TEX11: variants seen among roughly 807,000 people sequenced by gnomAD.
TEX11 encodes the protein testis-expressed protein 11.
A neutral mutation model predicts 84.4 loss-of-function variants in TEX11; 7 were observed. The ratio of observed to expected loss-of-function variants is 0.08; its 90% confidence interval spans 0.05 to 0.16. TEX11 has a LOEUF of 0.16. TEX11 is among the 10% of genes least tolerant of loss of function. The pLI, the probability that TEX11 is intolerant of heterozygous loss-of-function variation, is 1.00. For missense variants in TEX11, 551 were observed against 660.5 expected (o/e 0.83, Z 1.82); for synonymous variants, 264 against 222.8 (o/e 1.18, Z -1.64).
intron 3 of TEX11, among the ~76,000 whole-genome samples, chrX:70,874,549 C>G (rs1161479006): frequency 9.4e-6 from 1 of 106,826 alleles, no homozygotes; most frequent in African/African-American, 3.4e-5. Context: ...TTACAGGCAC[C>G]CACCATAATG....
intron 4 of TEX11, among the ~76,000 whole-genome samples, chrX:70,865,628 G>A (rs1246889976): frequency 1.8e-5 from 2 of 111,242 alleles, no homozygotes; most frequent in Non-Finnish European, 3.8e-5. Context: ...TTCTAAAATC[G>A]ACCACATAAT....
intron 2 of TEX11, among the ~76,000 whole-genome samples, chrX:70,905,280 G>A (rs774915930): frequency 2.1e-4 from 23 of 111,081 alleles, no homozygotes; most frequent in Admixed American, 1.6e-3. Flanking sequence ...AGCCGAGATC[G>A]TGCCACTACA....
chrX:70,679,364 G>T lies in TEX11; in HGVS notation c.1157-475C>A, dbSNP rs759321438. Among the ~76,000 whole-genome samples the T allele has an allele frequency of 9.2e-5, 10 of 108,576 alleles. No individual in the cohort carries two copies. In the East Asian group the frequency reaches 3.0e-3, roughly 32 times the overall value. The allele number at this position is 108,576 out of a possible 115,157, so 94.3% of individuals were successfully genotyped here. A position where few individuals can be genotyped will look rare whatever the true frequency, so the allele number is the denominator to read the frequency against. On this transcript the variant is annotated intron_variant, in intron 14 of 29. Transcript: ENST00000374333. Reference sequence around the variant, plus strand: ...GCAGCCTCTGCCCGGCCACCACCCCGTCTGGGAAGTGAGGAGCGTCTCTGC... The same window carrying T: ...GCAGCCTCTGCCCGGCCACCACCCCTTCTGGGAAGTGAGGAGCGTCTCTGC...
chrX:70,791,896 C>T (rs1055551766), intron 9 of TEX11, among the ~76,000 whole-genome samples: 1 of 110,662 alleles, frequency 9.0e-6, no homozygotes, highest in African/African-American at 3.3e-5. Context: ...GAGGCCGAGG[C>T]GGGTGGATCA....
intron 20 of TEX11, among the ~76,000 whole-genome samples, 167 bp from the exon 21 acceptor site, chrX:70,610,710 T>C (rs1184729059): frequency 8.9e-6 from 1 of 111,873 alleles, no homozygotes; most frequent in Non-Finnish European, 1.9e-5. Context: ...TCTTCCCCAC[T>C]GTAGGATACA....
intron 7 of TEX11, among the ~76,000 whole-genome samples, chrX:70,837,327 G>T (rs1317270553): frequency 9.0e-6 from 1 of 111,408 alleles, no homozygotes; most frequent in Non-Finnish European, 1.9e-5. Flanking sequence ...GATAGGCAGA[G>T]GTGGGTGGAT....
At chrX:70,571,752 C>G (rs1438556731) in intron 25 of TEX11, among the ~76,000 whole-genome samples, 1 of 110,818 alleles carries the variant, frequency 9.0e-6, no homozygotes, top group Admixed American at 9.7e-5. Context: ...GCTTTTTGGC[C>G]CAGCATATGA....
At position 70,624,890 on chromosome X, in the gene TEX11, T is replaced by C; in HGVS notation, c.1643A>G (p.Glu548Gly). Residue 548 changes from glutamate (E) to glycine (G), a missense_variant, in exon 19 of 30, where the codon GAA becomes GGA. Glu to Gly is a moderately conservative substitution (Grantham distance 98). Coordinates refer to ENST00000374333, the MANE Select transcript of TEX11 (RefSeq NM_031276.3). ...GTCTTCTGAATGTTGAGCTAAATAT[T>C]CCAAAGCTTTTTCTGCCACAATTTG... The part of the protein sequence containing the change: ...GQQIVAEKAL[E>G]YLAQHSEDQE... 1 of 1,209,332 alleles carries C rather than the reference T, an allele frequency of 8.3e-7. No homozygotes were observed. The highest frequency in any genetic ancestry group is 1.1e-6 in the Non-Finnish European group (1 of 894,194).
chrX:70,840,085 T>G (rs532515981), intron 7 of TEX11, among the ~76,000 whole-genome samples: 1 of 111,668 alleles, frequency 9.0e-6, no homozygotes, highest in East Asian at 2.8e-4. Context: ...AATTCCCCAA[T>G]CTACCAAGGC....
intron 8 of TEX11, among the ~76,000 whole-genome samples, chrX:70,816,080 C>T (rs2091284824): frequency 9.0e-6 from 1 of 110,896 alleles, no homozygotes; most frequent in Non-Finnish European, 1.9e-5. Flanking sequence ...TCATCCCCTT[C>T]CCACCCTTTC....
chrX:70,521,735 A>T, the TEX11 span, among the ~76,000 whole-genome samples: 5 of 112,015 alleles, frequency 4.5e-5, no homozygotes, highest in Non-Finnish European at 9.4e-5. Context: ...TCAGTTTGTG[A>T]GAGCATAAGG....
At chrX:70,903,950 C>G (rs1269203938) in intron 2 of TEX11, among the ~76,000 whole-genome samples, 1 of 96,943 alleles carries the variant, frequency 1.0e-5, no homozygotes, top group Non-Finnish European at 2.0e-5. Context: ...GCTCCTGAGA[C>G]TACTACAGGC....
At chrX:70,524,621 A>G (rs1009444184), downstream of TEX11, among the ~76,000 whole-genome samples, 7 of 112,766 alleles carry the variant, frequency 6.2e-5, no homozygotes, top group Non-Finnish European at 1.3e-4. Flanking sequence ...GCTTGAGTGC[A>G]ATGGCACGAT....
At chrX:70,619,455 A>T (rs754032580) in intron 20 of TEX11, among the ~76,000 whole-genome samples, 2 of 111,932 alleles carry the variant, frequency 1.8e-5, no homozygotes, top group African/African-American at 6.5e-5. Context: ...AATCTGGACC[A>T]GCACCTAATG....
intron 9 of TEX11, among the ~76,000 whole-genome samples, chrX:70,784,056 G>A (rs2091060806): frequency 1.8e-5 from 2 of 111,782 alleles, no homozygotes; most frequent in South Asian, 7.4e-4. Context: ...TATCCCTGAC[G>A]AACATTGATG....
chrX:70,687,212 T>C (rs2090196618), intron 13 of TEX11, among the ~76,000 whole-genome samples: 1 of 111,382 alleles, frequency 9.0e-6, no homozygotes, highest in Admixed American at 9.6e-5. Context: ...TTGAAGTAAA[T>C]TCAAGACATC....
At chrX:70,587,065 C>A (rs1351549414) in intron 25 of TEX11, among the ~76,000 whole-genome samples, 2 of 111,926 alleles carry the variant, frequency 1.8e-5, no homozygotes, top group African/African-American at 6.5e-5. Context: ...GCCCTAGAGA[C>A]CTCTGGAACT....
chrX:70,780,182 G>A (rs967260913), intron 9 of TEX11, among the ~76,000 whole-genome samples: 3 of 111,557 alleles, frequency 2.7e-5, no homozygotes, highest in East Asian at 2.8e-4. Flanking sequence ...GCTGAGACAG[G>A]AGAATCGCTT....
intron 2 of TEX11, among the ~76,000 whole-genome samples, chrX:70,881,005 C>CAAAAAAAAAAAAAAAAAA: frequency 2.2e-5 from 1 of 46,231 alleles, no homozygotes; most frequent in African/African-American, 9.8e-5. Context: ...AGACATCATC[C>CAAAAAAAAAAAAAAAAAA]AAAAAAAAAA....
Sources: gnomAD v4.1 joint callset for allele counts (sites outside exome capture counted in the v4.1 genomes callset) on GRCh38, gnomAD v4.1.1 for gene constraint, MANE v1.5 for transcripts, NCBI Gene and HGNC (gene_info 2026-07-23, HGNC 2026-07-21) for gene names.